METTL15: variants seen among roughly 807,000 people sequenced by gnomAD.
METTL15 encodes the protein 12S rRNA N(4)-cytidine methyltransferase METTL15.
A neutral mutation model predicts 38.3 loss-of-function variants in METTL15; 34 were observed. The observed-to-expected ratio is 0.89, with a 90% CI of 0.68 to 1.18. The LOEUF is 1.18. Among genes scored for constraint, METTL15 ranks in the 50% most tolerant of loss-of-function variants. The probability of loss-of-function intolerance (pLI) is 0.00; values close to 1 mark genes in which losing one functional copy is unlikely to be tolerated. For missense variants in METTL15, 438 were observed against 498.4 expected (o/e 0.88, Z 1.15); for synonymous variants, 162 against 170.9 (o/e 0.95, Z 0.41).
At chr11:28,497,496 C>T (rs969117265) in intron 6 of METTL15, among the ~76,000 whole-genome samples, 3 of 152,170 alleles carry the variant, frequency 2.0e-5, no homozygotes, top group African/African-American at 7.2e-5. Flanking sequence ...TATGTGTCTC[C>T]TTGGCTTATA....
At chr11:28,391,892 G>T (rs1850512649) in intron 5 of METTL15, among the ~76,000 whole-genome samples, 1 of 152,130 alleles carries the variant, frequency 6.6e-6, no homozygotes, top group African/African-American at 2.4e-5. Context: ...TACCATTCAG[G>T]ACATAGACAT....
At chr11:28,395,295 G>C (rs1850556585) in intron 5 of METTL15, among the ~76,000 whole-genome samples, 1 of 151,970 alleles carries the variant, frequency 6.6e-6, no homozygotes, top group Admixed American at 6.6e-5. Flanking sequence ...GCACCTCCTT[G>C]GAGTCAGGCA....
At chr11:28,490,304 C>A (rs372231169) in intron 6 of METTL15, among the ~76,000 whole-genome samples, 42 of 152,240 alleles carry the variant, frequency 2.8e-4, no homozygotes, top group African/African-American at 9.1e-4. Flanking sequence ...CATCTGCACC[C>A]AATGATCATG....
At chr11:28,238,805 C>G (rs890716887) in intron 4 of METTL15, among the ~76,000 whole-genome samples, 2 of 152,196 alleles carry the variant, frequency 1.3e-5, no homozygotes, top group African/African-American at 2.4e-5. Context: ...CCCCACCCCA[C>G]GGCTCTACCA....
chr11:28,454,342 T>A (rs1202235724), intron 6 of METTL15, among the ~76,000 whole-genome samples: 5 of 152,238 alleles, frequency 3.3e-5, no homozygotes, highest in Non-Finnish European at 7.3e-5. Flanking sequence ...ACAACATCTC[T>A]GACTTATAGA....
intron 6 of METTL15, among the ~76,000 whole-genome samples, chr11:28,324,334 A>G (rs1455303357): frequency 6.6e-6 from 1 of 152,216 alleles, no homozygotes; most frequent in African/African-American, 2.4e-5. Flanking sequence ...CCATTATATT[A>G]TCATGTCTCA....
chr11:28,185,825 C>T (rs1174900013), intron 3 of METTL15, among the ~76,000 whole-genome samples: 8 of 150,222 alleles, frequency 5.3e-5, no homozygotes, highest in Admixed American at 4.0e-4. Flanking sequence ...TAACAGTTAA[C>T]ATGAAAATAT....
chr11:28,480,674 C>T (rs1157169422), intron 6 of METTL15, among the ~76,000 whole-genome samples: 1 of 152,092 alleles, frequency 6.6e-6, no homozygotes. Context: ...GCCTTGCAAT[C>T]GTATATTATT....
At chr11:28,525,675 CTTAG>C (rs1179531500) in intron 6 of METTL15, among the ~76,000 whole-genome samples, 1 of 152,256 alleles carries the variant, frequency 6.6e-6, no homozygotes, top group African/African-American at 2.4e-5. Flanking sequence ...TTCACAATCC[CTTAG>C]TTAGACATAA....
At chr11:28,500,536 CT>C (rs573552567) in intron 6 of METTL15, among the ~76,000 whole-genome samples, 418 of 144,134 alleles carry the variant, frequency 2.9e-3, no homozygotes, top group Middle Eastern at 3.6e-3. Context: ...TTTCCAATGT[CT>C]TTTTTTTTTT....
intron 5 of METTL15, among the ~76,000 whole-genome samples, chr11:28,372,426 G>C (rs1382090777): frequency 6.9e-6 from 1 of 145,848 alleles, no homozygotes; most frequent in Non-Finnish European, 1.5e-5. Flanking sequence ...ACATTGGCTA[G>C]AAGTTTTCTT....
chr11:28,406,570 A>G (rs1326654116), intron 5 of METTL15, among the ~76,000 whole-genome samples: 1 of 152,120 alleles, frequency 6.6e-6, no homozygotes, highest in Non-Finnish European at 1.5e-5. Context: ...ATAATAATAA[A>G]AAGAAGCTTT....
chr11:28,478,298 T>C (rs917037808), intron 6 of METTL15, among the ~76,000 whole-genome samples: 1 of 152,314 alleles, frequency 6.6e-6, no homozygotes, highest in Non-Finnish European at 1.5e-5. Flanking sequence ...TCTGTTTATA[T>C]CCTAAAGCTA....
intron 4 of METTL15, among the ~76,000 whole-genome samples, chr11:28,265,016 A>G (rs1205568876): frequency 3.9e-5 from 6 of 152,242 alleles, no homozygotes; most frequent in African/African-American, 1.2e-4. Flanking sequence ...ATACAATTCT[A>G]TGTGATTGAC....
At chr11:28,196,722 G>A in intron 3 of METTL15, among the ~76,000 whole-genome samples, 1 of 151,500 alleles carries the variant, frequency 6.6e-6, no homozygotes, top group East Asian at 1.9e-4. Flanking sequence ...CAATTTTACT[G>A]TTAAAGTAAT....
intron 3 of METTL15, among the ~76,000 whole-genome samples, chr11:28,148,597 A>G (rs926783699): frequency 2.0e-5 from 3 of 151,858 alleles, no homozygotes; most frequent in Admixed American, 2.0e-4. Context: ...CTCTAGTCCT[A>G]CTTTTAGCAC....
At chr11:28,515,161 T>A (rs971372615) in intron 6 of METTL15, among the ~76,000 whole-genome samples, 1 of 152,070 alleles carries the variant, frequency 6.6e-6, no homozygotes, top group African/African-American at 2.4e-5. Context: ...TAAGAAAGAA[T>A]AAATGATTCT....
chr11:28,382,792 G>T lies in METTL15; in HGVS notation c.*358+20756G>T, dbSNP rs777269071. Among the ~76,000 whole-genome samples the T allele has an allele frequency of 1.2e-4, 18 of 151,202 alleles. 1 individual carries two copies. Among genetic ancestry groups the T allele is most frequent in the Non-Finnish European group, 1.8e-4 (12 of 67,848 alleles). ...AGAGGTTGCAGTGAGCCAAGATAGC[G>T]CCACTGCACTGCAGCCTGGGCAACA... is the stretch of plus-strand genomic sequence containing the variant. On this transcript the variant is annotated intron_variant and NMD_transcript_variant, in intron 5 of 7. Coordinates refer to the METTL15 transcript ENST00000532947.
Position 28,494,851 on chromosome 11 carries a change from GAGTCAATTA to G in METTL15, c.*425-31624_*425-31616del, listed in dbSNP as rs1851523790. ...GGCCTCCCCAGCCATGTAGAACTGG[GAGTCAATTA>G]AGCCTATTTCCCTTATAAATTACCT... On this transcript the variant is annotated intron_variant and NMD_transcript_variant, in intron 6 of 7. Transcript: ENST00000532947. Among the ~76,000 whole-genome samples the G allele has an allele frequency of 2.0e-5, 3 of 152,302 alleles. No homozygotes were observed. In the South Asian group the frequency reaches 6.2e-4, roughly 32 times the overall value.
Sources: allele counts gnomAD v4.1 joint callset (sites outside exome capture counted in the v4.1 genomes callset), GRCh38; gene constraint gnomAD v4.1.1; transcripts MANE v1.5; gene names NCBI Gene and HGNC (gene_info 2026-07-23, HGNC 2026-07-21).